The following RFX2 variants were observed in gnomAD, a reference collection of about 807,000 sequenced individuals.
RFX2 encodes DNA-binding protein RFX2.
RFX2 carries 20 observed loss-of-function variants against 87.8 expected under a neutral mutation model. The observed-to-expected ratio is 0.23, with a 90% CI of 0.16 to 0.33. The LOEUF (loss-of-function observed/expected upper bound fraction) is 0.33. Among genes scored for constraint, RFX2 ranks in the 10% least tolerant of loss-of-function variants. The pLI is 1.00. For synonymous variants in RFX2, 397 were observed against 431.3 expected, an observed-to-expected ratio of 0.92 and a Z score of 0.98; for missense variants, 767 against 1,012.3, an observed-to-expected ratio of 0.76 and a Z score of 3.29.
chr19:6,085,240 A>G (rs537797223), intron 1 of RFX2, among the ~76,000 whole-genome samples: 2 of 152,240 alleles, frequency 1.3e-5, no homozygotes, highest in Non-Finnish European at 2.9e-5. Flanking sequence ...CCAACAGTTC[A>G]CATGGGTTCA....
rs2087174884 is a variant in RFX2, at chr19:6,045,535, G to A, written c.91-1253C>T. Among the ~76,000 whole-genome samples the A allele has an allele frequency of 6.6e-6, 1 of 152,186 alleles. No homozygotes were observed. The highest frequency in any genetic ancestry group is 1.5e-5 in the Non-Finnish European group (1 of 68,026). ...ACGGCGTCTGATCCTCACCTCAGAT[G>A]GGCTTCCAAGACGCCCTCCCCACTG... On this transcript the variant is annotated intron_variant, in intron 2 of 17. Coordinates refer to ENST00000303657, the MANE Select transcript of RFX2 (RefSeq NM_000635.4). The surrounding 1 kb of genome is among the most constrained non-coding windows in gnomAD (Gnocchi z 5.2).
intron 1 of RFX2, among the ~76,000 whole-genome samples, chr19:6,080,802 C>A (rs1049824218): frequency 6.6e-6 from 1 of 152,082 alleles, no homozygotes; most frequent in Non-Finnish European, 1.5e-5. Flanking sequence ...TTTTGGGAGG[C>A]TGAGGTGGGT....
intron 1 of RFX2, among the ~76,000 whole-genome samples, chr19:6,066,271 AG>A (rs1568531684): frequency 6.6e-6 from 1 of 152,180 alleles, no homozygotes; most frequent in African/African-American, 2.4e-5. Flanking sequence ...ACTTCTTAAC[AG>A]GAACATTGAG....
intron 1 of RFX2, among the ~76,000 whole-genome samples, chr19:6,084,134 G>A (rs982148110): frequency 1.3e-5 from 2 of 152,120 alleles, no homozygotes; most frequent in African/African-American, 2.4e-5. Flanking sequence ...AGCAGAGTTA[G>A]CCCAGTTAAG....
In RFX2 at chr19:6,040,634, C is replaced by T. The variant is rs371131092; in HGVS notation, c.261-393G>A. Reference sequence around the variant, plus strand: ...TTTAGCCAGGTGTGGTGGTGCGTGCCGGTAGTCCCAGCTACTCAGGAGGCT... The same window carrying T: ...TTTAGCCAGGTGTGGTGGTGCGTGCTGGTAGTCCCAGCTACTCAGGAGGCT... On this transcript the variant is annotated intron_variant, in intron 4 of 17. Coordinates refer to ENST00000303657, the MANE Select transcript of RFX2 (RefSeq NM_000635.4). The surrounding 1 kb of genome is among the most constrained non-coding windows in gnomAD (Gnocchi z 6.1). Among the ~76,000 whole-genome samples the T allele has an allele frequency of 7.9e-5, 12 of 152,112 alleles. No homozygotes were observed. The highest frequency in any genetic ancestry group is 1.9e-4 in the African/African-American group (8 of 41,508).
rs543439337 is a variant in RFX2, at chr19:6,008,004, G to A, written c.1134+102C>T. On this transcript the variant is annotated intron_variant, in intron 10 of 17. Transcript: ENST00000303657. ...AGAGAGGATGCTTGTTGGGGGGCTCGGGGCTCCAGCTCCTCAGCGTCACCC... is the reference window on the plus strand; with the variant it reads ...AGAGAGGATGCTTGTTGGGGGGCTCAGGGCTCCAGCTCCTCAGCGTCACCC... 52 of 913,810 alleles carry A rather than the reference G, an allele frequency of 5.7e-5. No individual in the cohort carries two copies. In the South Asian group the frequency reaches 6.1e-4, roughly 11 times the overall value. The allele number at this position is 913,810 out of a possible 1,614,324, so 56.6% of individuals were successfully genotyped here.
At chr19:6,086,091 CAAAAAA>C (rs11340459) in intron 1 of RFX2, among the ~76,000 whole-genome samples, 3 of 59,442 alleles carry the variant, frequency 5.0e-5, no homozygotes, top group African/African-American at 2.1e-4. Flanking sequence ...GATCCTGTCT[CAAAAAA>C]AAAAAAAAAA....
At chr19:6,038,004 A>G (rs367856020) in intron 5 of RFX2, among the ~76,000 whole-genome samples, 10 of 152,328 alleles carry the variant, frequency 6.6e-5, no homozygotes, top group African/African-American at 2.2e-4. Context: ...ACAAATGTTA[A>G]CTTGATAGGA....
At chr19:6,085,834 G>A (rs2087848738) in intron 1 of RFX2, among the ~76,000 whole-genome samples, 1 of 152,156 alleles carries the variant, frequency 6.6e-6, no homozygotes, top group Admixed American at 6.5e-5. Flanking sequence ...GCTCACGCCT[G>A]TAATCCCAGC....
chr19:6,070,403 G>A (rs60902169), intron 1 of RFX2, among the ~76,000 whole-genome samples: 30,199 of 151,954 alleles, frequency 0.2, 5,225 homozygotes, highest in African/African-American at 0.47. Flanking sequence ...CTGGTCCCCA[G>A]TCCCATTCTT....
intron 1 of RFX2, among the ~76,000 whole-genome samples, chr19:6,054,583 C>A (rs779129084): frequency 6.6e-6 from 1 of 151,940 alleles, no homozygotes; most frequent in African/African-American, 2.4e-5. Context: ...CTCTTTTCTT[C>A]CTCAACTGGA....
chr19:6,088,403 G>A (rs1054857222), intron 1 of RFX2, among the ~76,000 whole-genome samples: 8 of 151,900 alleles, frequency 5.3e-5, no homozygotes, highest in African/African-American at 1.9e-4. Flanking sequence ...TAGAGATGGG[G>A]TTTCTCCCTG....
chr19:6,049,586 C>T (rs2087241870), intron 1 of RFX2, among the ~76,000 whole-genome samples: 1 of 152,170 alleles, frequency 6.6e-6, no homozygotes, highest in African/African-American at 2.4e-5. Context: ...GTCACCCAGG[C>T]TGGAGTGCAA....
rs191539400 is a variant in RFX2 at position 6,013,979 on chromosome 19, C to T, written c.780-874G>A. On this transcript the variant is annotated intron_variant, in intron 7 of 17. Transcript: ENST00000303657. This position sits in a 1 kb window ranked among gnomAD's most constrained non-coding sequence, Gnocchi z 4.1. ...ATTAACAACTCTTCCCCACCCCCTT[C>T]AATCATCTAGTAACACGTTTTGGAA... is the stretch of plus-strand genomic sequence containing the variant. 7.2e-5 allele frequency among the ~76,000 whole-genome samples: 11 copies of T among 152,280 alleles called. No homozygotes were observed. The highest frequency in any genetic ancestry group is 6.5e-4 in the Admixed American group (10 of 15,292).
chr19:6,080,417 A>C (rs867548838), intron 1 of RFX2, among the ~76,000 whole-genome samples: 5 of 152,194 alleles, frequency 3.3e-5, no homozygotes, highest in South Asian at 2.1e-4. Context: ...AGGTCAGATG[A>C]AAGTGCTGCT....
intron 5 of RFX2, among the ~76,000 whole-genome samples, chr19:6,033,006 C>T (rs2086970679): frequency 6.6e-6 from 1 of 152,142 alleles, no homozygotes; most frequent in African/African-American, 2.4e-5. Flanking sequence ...CCAGGCTTGT[C>T]TTGAACTCCT....
chr19:6,038,782 CATCT>C (rs1479789912), intron 5 of RFX2, among the ~76,000 whole-genome samples: 1 of 152,206 alleles, frequency 6.6e-6, no homozygotes, highest in African/African-American at 2.4e-5. Flanking sequence ...TACCACCACA[CATCT>C]ATTAGAATGG....
chr19:6,026,226 C>A lies in RFX2; in HGVS notation c.534G>T (p.Ala178=). 1.9e-6 allele frequency: 3 copies of A among 1,611,840 alleles called. No homozygotes were observed. Among genetic ancestry groups the A allele is most frequent in the Non-Finnish European group, 2.5e-6 (3 of 1,179,520 alleles). ...SRSSPATLEM[A]IENLQKSEGI... is the part of the protein sequence containing the mutation. ...CTTCGCTTTTTTGGAGGTTTTCAAT[C>A]GCCATTTCAAGCTAAAGAAAATGTG... Residue 178 remains alanine, a synonymous_variant, in exon 6 of 18, where the codon GCG becomes GCT. Transcript: ENST00000303657. This position sits in a 1 kb window ranked among gnomAD's most constrained non-coding sequence, Gnocchi z 4.5.
chr19:6,089,802 C>T (rs1937793435), intron 1 of RFX2, among the ~76,000 whole-genome samples: 1 of 152,198 alleles, frequency 6.6e-6, no homozygotes, highest in Non-Finnish European at 1.5e-5. Flanking sequence ...GTCACCCTCC[C>T]TTCCCTCCAC....
Sources: allele counts gnomAD v4.1 joint callset (sites outside exome capture counted in the v4.1 genomes callset), GRCh38; gene constraint gnomAD v4.1.1; non-coding constraint Gnocchi (gnomAD v3.1); transcripts MANE v1.5; gene names NCBI Gene and HGNC (gene_info 2026-07-23, HGNC 2026-07-21).